FNDC3B: variants seen among roughly 807,000 people sequenced by gnomAD.
The protein encoded by FNDC3B is fibronectin type III domain-containing protein 3B.
A neutral mutation model predicts 151.5 loss-of-function variants in FNDC3B; 12 were observed. That is an observed-to-expected ratio of 0.08 (90% confidence interval 0.05 to 0.13). FNDC3B has a LOEUF of 0.13. FNDC3B is among the 10% of genes least tolerant of loss of function. The probability of loss-of-function intolerance (pLI) is 1.00; values close to 1 mark genes in which losing one functional copy is unlikely to be tolerated. For synonymous variants in FNDC3B, 528 were observed against 549.0 expected, an observed-to-expected ratio of 0.96 and a Z score of 0.54; for missense variants, 1,214 against 1,505.3, an observed-to-expected ratio of 0.81 and a Z score of 3.20.
At chr3:172,124,878 CA>C (rs1247014469) in intron 2 of FNDC3B, among the ~76,000 whole-genome samples, 2 of 152,226 alleles carry the variant, frequency 1.3e-5, no homozygotes, top group Non-Finnish European at 2.9e-5. Flanking sequence ...AGCCCTTACA[CA>C]CATTATTTCA....
chr3:172,183,705 A>C (rs1425343116), intron 3 of FNDC3B, among the ~76,000 whole-genome samples: 1 of 152,204 alleles, frequency 6.6e-6, no homozygotes, highest in Non-Finnish European at 1.5e-5. Context: ...AGTATTATTA[A>C]ATTCAACTAT....
In FNDC3B at chr3:172,220,098, C is replaced by T. The variant is rs188969274; in HGVS notation, c.188-6773C>T. 3.0e-4 allele frequency among the ~76,000 whole-genome samples: 45 copies of T among 152,250 alleles called. No individual in the cohort carries two copies. In the East Asian group the frequency reaches 8.5e-3, roughly 29 times the overall value. ...GAAGTGGTACAGTTTTCCACAGTTT[C>T]TGTTTACTTCCTACCAGCAGTGTAC... is the stretch of plus-strand genomic sequence containing the variant. On this transcript the variant is annotated intron_variant, in intron 3 of 25. Transcript: ENST00000415807.
At chr3:172,373,637 G>A (rs1266796733) in intron 23 of FNDC3B, among the ~76,000 whole-genome samples, 1 of 152,180 alleles carries the variant, frequency 6.6e-6, no homozygotes, top group East Asian at 1.9e-4. Flanking sequence ...AGATATAGGA[G>A]CAAGAAAAAA....
intron 3 of FNDC3B, among the ~76,000 whole-genome samples, chr3:172,186,320 T>G (rs964201204): frequency 2.6e-5 from 4 of 152,210 alleles, no homozygotes; most frequent in African/African-American, 9.6e-5. Context: ...CCTCATAACA[T>G]TTTATAAGAA....
intron 11 of FNDC3B, among the ~76,000 whole-genome samples, chr3:172,315,490 C>T (rs1409187397): frequency 2.0e-5 from 3 of 152,200 alleles, no homozygotes; most frequent in Non-Finnish European, 1.5e-5. Context: ...GTGGCCATTC[C>T]TTGCCAAGTT....
In FNDC3B at chr3:172,274,714, G is replaced by A. The variant is rs570923912; in HGVS notation, c.791-11212G>A. 2.0e-5 allele frequency among the ~76,000 whole-genome samples: 3 copies of A among 152,226 alleles called. No individual in the cohort carries two copies. The South Asian group carries it at 6.2e-4, about 32-fold the overall frequency. On this transcript the variant is annotated intron_variant, in intron 6 of 25. Transcript: ENST00000415807. Reference sequence around the variant, plus strand: ...GAAGTCAGACTGCAGTGTTGGCAGGGTTGGTCCTTCAGGGCCATGAGGGAA... The same window carrying A: ...GAAGTCAGACTGCAGTGTTGGCAGGATTGGTCCTTCAGGGCCATGAGGGAA...
At chr3:172,301,284 G>C (rs1730900743) in intron 9 of FNDC3B, among the ~76,000 whole-genome samples, 1 of 152,222 alleles carries the variant, frequency 6.6e-6, no homozygotes, top group Non-Finnish European at 1.5e-5. Context: ...AGGACTTAAT[G>C]ATGCAAGTTC....
intron 1 of FNDC3B, among the ~76,000 whole-genome samples, chr3:172,091,472 T>G (rs1718821095): frequency 6.6e-6 from 1 of 152,198 alleles, no homozygotes. Context: ...GATTAGAAAT[T>G]ACAGAAGTCA....
At chr3:172,053,769 TC>T (rs1306208771) in intron 1 of FNDC3B, among the ~76,000 whole-genome samples, 1 of 106,234 alleles carries the variant, frequency 9.4e-6, no homozygotes, top group Non-Finnish European at 1.9e-5. Flanking sequence ...AGGGCGAAAC[TC>T]CGTCTCAAAA....
At position 172,057,662 on chromosome 3, in the gene FNDC3B, C is replaced by G. The variant is rs557788774; in HGVS notation, c.-29+17891C>G. 1.8e-4 allele frequency among the ~76,000 whole-genome samples: 27 copies of G among 149,530 alleles called. No homozygotes were observed. The East Asian group carries it at 5.1e-3, about 28-fold the overall frequency. On this transcript the variant is annotated intron_variant, in intron 1 of 25. Coordinates refer to ENST00000415807, the MANE Select transcript of FNDC3B (RefSeq NM_022763.4). ...AATGAGCTAGTGTTAGACTTTAATG[C>G]TGGAGAAAAATAACATCTACCTTTT...
chr3:172,248,295 C>T (rs1727887026), intron 5 of FNDC3B, among the ~76,000 whole-genome samples: 1 of 152,220 alleles, frequency 6.6e-6, no homozygotes, highest in African/African-American at 2.4e-5. Flanking sequence ...AATCCCCTGG[C>T]TGTTGATGTG....
intron 1 of FNDC3B, among the ~76,000 whole-genome samples, chr3:172,075,756 CACACACACACAA>C (rs772829860): frequency 5.4e-4 from 78 of 145,084 alleles, no homozygotes; most frequent in Non-Finnish European, 1.0e-3. Flanking sequence ...CACACACACA[CACACACACACAA>C]ACATTTATAT....
chr3:172,357,737 T>A (rs1734163780), intron 22 of FNDC3B, among the ~76,000 whole-genome samples: 1 of 149,860 alleles, frequency 6.7e-6, no homozygotes. Flanking sequence ...AGTTCCTCAG[T>A]TTTTTTTTTC....
intron 3 of FNDC3B, among the ~76,000 whole-genome samples, chr3:172,158,248 C>T (rs996308744): frequency 2.0e-5 from 3 of 152,150 alleles, no homozygotes; most frequent in African/African-American, 4.8e-5. Context: ...TTGAATGTTT[C>T]GTTTTATAAG....
At chr3:172,337,196 T>C (rs1216257505) in intron 15 of FNDC3B, 134 bp from the exon 16 acceptor site, 2 of 545,666 alleles carry the variant, frequency 3.7e-6, no homozygotes, top group Non-Finnish European at 6.4e-6. Flanking sequence ...GTTGGTGAAA[T>C]AAATTATTTT....
At chr3:172,157,133 C>T (rs1722529615) in intron 3 of FNDC3B, among the ~76,000 whole-genome samples, 1 of 152,078 alleles carries the variant, frequency 6.6e-6, no homozygotes, top group Non-Finnish European at 1.5e-5. Flanking sequence ...TGTTATTTTT[C>T]TTTTTCTCTT....
chr3:172,263,252 T>C (rs912307023), intron 6 of FNDC3B, among the ~76,000 whole-genome samples: 4 of 152,068 alleles, frequency 2.6e-5, no homozygotes, highest in African/African-American at 9.7e-5. Context: ...TTACTGCTTC[T>C]CTTAATTCAC....
intron 21 of FNDC3B, among the ~76,000 whole-genome samples, chr3:172,351,318 T>C (rs1733839090): frequency 6.6e-6 from 1 of 152,174 alleles, no homozygotes; most frequent in African/African-American, 2.4e-5. Context: ...AAAAGCTTTC[T>C]GGACAGGAGG....
rs191365264 is a variant in FNDC3B, at chr3:172,192,624, A to G, written c.188-34247A>G. Among the ~76,000 whole-genome samples the G allele has an allele frequency of 3.2e-3, 486 of 152,258 alleles. 3 individuals carry two copies. Among genetic ancestry groups the G allele is most frequent in the Non-Finnish European group, 3.6e-3 (248 of 68,014 alleles). Reference sequence around the variant, plus strand: ...AACTGTTTTATAAGTACTAATACTAATTCAGTAATTTTTACCTTTCTAGTG... The same window carrying G: ...AACTGTTTTATAAGTACTAATACTAGTTCAGTAATTTTTACCTTTCTAGTG... On this transcript the variant is annotated intron_variant, in intron 3 of 25. Transcript: ENST00000415807.
Sources: gnomAD v4.1 joint callset for allele counts (sites outside exome capture counted in the v4.1 genomes callset) on GRCh38, gnomAD v4.1.1 for gene constraint, MANE v1.5 for transcripts, NCBI Gene and HGNC (gene_info 2026-07-23, HGNC 2026-07-21) for gene names.